The following NSD1 variants were observed in gnomAD, a reference collection of about 807,000 sequenced individuals.
NSD1 encodes nuclear receptor binding SET domain protein 1.
Under a neutral mutation model 242.7 loss-of-function variants are expected in NSD1, and 26 were observed. The observed-to-expected ratio is 0.11, with a 90% confidence interval of 0.08 to 0.15. NSD1 has a LOEUF of 0.15. NSD1 is among the 10% of genes least tolerant of loss of function. NSD1 has a pLI of 1.00. For synonymous variants in NSD1, 1,106 were observed against 1,178.1 expected, an observed-to-expected ratio of 0.94 and a Z score of 1.25; for missense variants, 2,495 against 3,272.8, an observed-to-expected ratio of 0.76 and a Z score of 5.80.
chr5:177,135,949 A>C lies in NSD1; in HGVS notation c.846A>C (p.Pro282=), dbSNP rs377539686. The C allele has an allele frequency of 6.2e-6, 10 of 1,614,046 alleles. No homozygotes were observed. In the African/African-American group the frequency reaches 1.1e-4, roughly 17 times the overall value. Residue 282 remains proline (P), a synonymous_variant, in exon 2 of 23, where the codon CCA becomes CCC. Transcript: ENST00000439151. The part of the protein sequence containing the change: ...NSINLSFQDD[P]DSSTSTLGNM... ...TAAATTTATCTTTTCAGGATGATCC[A>C]GATTCCAGTACCAGTACATTAGGAA...
intron 2 of NSD1, among the ~76,000 whole-genome samples, chr5:177,138,180 G>A (rs1756505688): frequency 6.6e-6 from 1 of 152,066 alleles, no homozygotes; most frequent in Admixed American, 6.6e-5. Flanking sequence ...GTTAGCAAAT[G>A]TATAAATGTA....
At chr5:177,262,654 G>A (rs1434985708) in intron 14 of NSD1, among the ~76,000 whole-genome samples, 2 of 152,192 alleles carry the variant, frequency 1.3e-5, no homozygotes, top group Non-Finnish European at 2.9e-5. Context: ...TGAGGCAGGC[G>A]GATCACCTGA....
chr5:177,218,160 A>C (rs1763935119), intron 5 of NSD1, among the ~76,000 whole-genome samples: 1 of 152,006 alleles, frequency 6.6e-6, no homozygotes, highest in African/African-American at 2.4e-5. Flanking sequence ...TGATCCTCCC[A>C]CCTCAGCATC....
At chr5:177,241,808 A>G (rs1765894515) in intron 8 of NSD1, among the ~76,000 whole-genome samples, 1 of 152,190 alleles carries the variant, frequency 6.6e-6, no homozygotes, top group South Asian at 2.1e-4. Context: ...ATTTTGTCAT[A>G]AGGCTAAAGC....
chr5:177,227,580 A>G (rs899165413), intron 5 of NSD1, among the ~76,000 whole-genome samples: 3 of 151,890 alleles, frequency 2.0e-5, no homozygotes, highest in Non-Finnish European at 2.9e-5. Context: ...CGGAGTAGCT[A>G]TAGGTGTGCG....
rs1756056287 is a variant in NSD1, at chr5:177,133,889, G to C, written c.-81G>C. 1 of 151,030 alleles carries C rather than the reference G, an allele frequency of 6.6e-6. No individual in the cohort carries two copies. The highest frequency in any genetic ancestry group is 1.5e-5 in the Non-Finnish European group (1 of 67,620). The allele number at this position is 151,030 out of a possible 1,614,324, so 9.4% of individuals were successfully genotyped here. A position where few individuals can be genotyped will look rare whatever the true frequency, so the allele number is the denominator to read the frequency against. On this transcript the variant is annotated 5_prime_UTR_variant, in exon 1 of 23. Transcript: ENST00000439151. This position sits in a 1 kb window ranked among gnomAD's most constrained non-coding sequence, Gnocchi z 6.2. ...CCGCTCTCTCCCCACCGCTCCGCTC[G>C]CACCCCAGTGTAATGAGGGTCACCC...
chr5:177,280,517 T>C, intron 17 of NSD1, 48 bp from the exon 18 acceptor site: 1 of 1,613,730 alleles, frequency 6.2e-7, no homozygotes. Flanking sequence ...ACGTGAATTG[T>C]CTTCTGCTGA....
intron 22 of NSD1, 79 bp downstream of exon 22, chr5:177,292,237 G>A: frequency 7.0e-7 from 1 of 1,431,442 alleles, no homozygotes; most frequent in Non-Finnish European, 9.8e-7. Flanking sequence ...CATCAGCCTT[G>A]AAGAAAGTGC....
intron 4 of NSD1, among the ~76,000 whole-genome samples, chr5:177,207,059 C>G (rs1178829471): frequency 6.6e-6 from 1 of 152,042 alleles, no homozygotes; most frequent in Non-Finnish European, 1.5e-5. Context: ...GCTTCAGCCT[C>G]CCAAGTAGCT....
At chr5:177,292,724 A>G (rs1266687958) in intron 22 of NSD1, among the ~76,000 whole-genome samples, 1 of 152,204 alleles carries the variant, frequency 6.6e-6, no homozygotes, top group Non-Finnish European at 1.5e-5. Context: ...GTATCAGTTA[A>G]TACATGAGAA....
At chr5:177,180,004 G>A (rs1190942879) in intron 2 of NSD1, among the ~76,000 whole-genome samples, 1 of 151,958 alleles carries the variant, frequency 6.6e-6, no homozygotes, top group South Asian at 2.1e-4. Context: ...GGTTTCAAGC[G>A]ATTCTCCTGC....
intron 2 of NSD1, among the ~76,000 whole-genome samples, chr5:177,190,359 A>G (rs191147066): frequency 2.4e-4 from 37 of 152,282 alleles, no homozygotes; most frequent in African/African-American, 8.7e-4. Flanking sequence ...GGCTCACTGC[A>G]ACCTCTGCCT....
At chr5:177,144,289 T>G (rs1353468080) in intron 2 of NSD1, among the ~76,000 whole-genome samples, 2 of 152,076 alleles carry the variant, frequency 1.3e-5, no homozygotes, top group Non-Finnish European at 2.9e-5. Context: ...TGGCCTGATC[T>G]TGGCTCCTGG....
At chr5:177,141,762 C>T (rs1050008609) in intron 2 of NSD1, among the ~76,000 whole-genome samples, 1 of 152,156 alleles carries the variant, frequency 6.6e-6, no homozygotes. Context: ...GACTTCAAAC[C>T]AACAAATTCT....
At chr5:177,237,876 CAGTT>C (rs1185038450) in intron 6 of NSD1, among the ~76,000 whole-genome samples, 10 of 152,140 alleles carry the variant, frequency 6.6e-5, no homozygotes, top group Non-Finnish European at 1.3e-4. Flanking sequence ...GCATGAAGCA[CAGTT>C]AGATTGTTGT....
At chr5:177,177,823 A>G (rs959698359) in intron 2 of NSD1, among the ~76,000 whole-genome samples, 1 of 152,052 alleles carries the variant, frequency 6.6e-6, no homozygotes, top group African/African-American at 2.4e-5. Flanking sequence ...TTCTGTTAAG[A>G]TTTTAGAGCT....
At chr5:177,233,597 T>C (rs1163784021) in intron 5 of NSD1, among the ~76,000 whole-genome samples, 2 of 149,642 alleles carry the variant, frequency 1.3e-5, no homozygotes, top group Non-Finnish European at 1.5e-5. Context: ...CAGGCTGGTC[T>C]CGAACTCCTG....
intron 10 of NSD1, chr5:177,247,969 C>T: frequency 1.0e-6 from 1 of 985,420 alleles, no homozygotes; most frequent in Non-Finnish European, 1.2e-6. Flanking sequence ...GTGGAACAAA[C>T]AGCCTCAGAG....
At position 177,295,242 on chromosome 5, in the gene NSD1, G is replaced by C. The variant is rs752399650; in HGVS notation, c.7874G>C (p.Trp2625Ser). The change falls in exon 23 of 23, where the codon TGG becomes TCG. Residue 2625 changes from tryptophan (W) to serine (S), a missense_variant. Around this residue, in one of 19 missense-constraint regions of NSD1, gnomAD observed 475 missense variants for 563.7 expected, o/e 0.84. Coordinates refer to ENST00000439151, the MANE Select transcript of NSD1 (RefSeq NM_022455.5). The surrounding 1 kb of genome is among the most constrained non-coding windows in gnomAD (Gnocchi z 4.3). ...KKLVTTEQSP[W>S]ALGKASSRAG... is the part of the protein sequence containing the mutation. ...TTGGTAACCACAGAGCAAAGTCCCT[G>C]GGCCCTGGGAAAAGCCTCATCACGG... 12 of 1,614,096 alleles carry C rather than the reference G, an allele frequency of 7.4e-6. No individual in the cohort carries two copies. The highest frequency in any genetic ancestry group is 9.3e-6 in the Non-Finnish European group (11 of 1,180,042).
Sources: allele counts gnomAD v4.1 joint callset (sites outside exome capture counted in the v4.1 genomes callset), GRCh38; gene constraint gnomAD v4.1.1; regional missense constraint gnomAD v4.1.1; non-coding constraint Gnocchi (gnomAD v3.1); transcripts MANE v1.5; gene names NCBI Gene and HGNC (gene_info 2026-07-23, HGNC 2026-07-21).